The following CYBB variants were observed in gnomAD, a reference collection of about 807,000 sequenced individuals.
The protein encoded by CYBB is cytochrome b-245 beta chain, also known as NADPH oxidase 2.
A neutral mutation model predicts 46.5 loss-of-function variants in CYBB; 5 were observed. The ratio of observed to expected loss-of-function variants is 0.11; its 90% confidence interval spans 0.06 to 0.23. CYBB has a LOEUF of 0.23. CYBB is among the 10% of genes least tolerant of loss of function. The pLI is 1.00. For missense variants in CYBB, 307 were observed against 428.3 expected, an observed-to-expected ratio of 0.72 and a Z score of 2.50; for synonymous variants, 183 against 156.7, an observed-to-expected ratio of 1.17 and a Z score of -1.26.
rs782376162 is a variant in CYBB, at chrX:37,809,650, C to T, written c.1545C>T (p.Asn515=). ...AAAAGACTTTGTATGGACGGCCCAA[C>T]TGGGATAATGAATTCAAGACAATTG... ...LKQKTLYGRP[N]WDNEFKTIAS... The change falls in exon 12 of 13, where the codon AAC becomes AAT. Residue 515 remains asparagine (N), a synonymous_variant. Transcript: ENST00000378588. The T allele has an allele frequency of 2.5e-6, 3 of 1,208,524 alleles. No homozygotes were observed. Among genetic ancestry groups the T allele is most frequent in the Admixed American group, 2.2e-5 (1 of 45,756 alleles).
intron 12 of CYBB, 56 bp from the exon 13 acceptor site, chrX:37,810,734 CT>C: frequency 8.6e-7 from 1 of 1,167,641 alleles, no homozygotes. Flanking sequence ...CACCTACCTG[CT>C]TTGTAGACAT....
In CYBB at chrX:37,782,203, C is replaced by T. The variant is rs1193124409; in HGVS notation, c.141+20C>T. On this transcript the variant is annotated intron_variant, in intron 2 of 12. Coordinates refer to ENST00000378588, the MANE Select transcript of CYBB (RefSeq NM_000397.4). ...CTTGGGGTAAGTATAAATTCCATCC[C>T]ATGCAATATTGGCTGGTTCACATTT... The T allele has an allele frequency of 9.1e-6, 9 of 985,054 alleles. No individual in the cohort carries two copies. The Admixed American group carries it at 1.5e-4, about 17-fold the overall frequency. The allele number at this position is 985,054 out of a possible 1,213,427, so 81.2% of individuals were successfully genotyped here.
At position 37,809,563 on chromosome X, in the gene CYBB, G is replaced by A. The variant is rs781860569; in HGVS notation, c.1462-4G>A. The A allele has an allele frequency of 2.5e-6, 3 of 1,194,759 alleles. No individual in the cohort carries two copies. Among genetic ancestry groups the A allele is most frequent in the Non-Finnish European group, 3.4e-6 (3 of 886,616 alleles). On this transcript the variant is annotated splice_polypyrimidine_tract_variant and splice_region_variant and intron_variant, in intron 11 of 12. Transcript: ENST00000378588. ...TTTTTCTGAATTCATGTCCTTTCCTGTAGGCCAATCACTTTGCTGTGCACC... is the reference window on the plus strand; with the variant it reads ...TTTTTCTGAATTCATGTCCTTTCCTATAGGCCAATCACTTTGCTGTGCACC...
chrX:37,808,029 A>G (rs982514585), intron 11 of CYBB, among the ~76,000 whole-genome samples: 1 of 112,593 alleles, frequency 8.9e-6, no homozygotes, highest in African/African-American at 3.2e-5. Context: ...TTGGCCTGGA[A>G]GCAGCATAAG....
chrX:37,799,127 A>T (rs1929381959), intron 7 of CYBB, 43 bp downstream of exon 7: 1 of 1,145,577 alleles, frequency 8.7e-7, no homozygotes, highest in Admixed American at 2.2e-5. Context: ...CATTACTGAC[A>T]ATCTTTAACC....
intron 8 of CYBB, among the ~76,000 whole-genome samples, chrX:37,801,712 G>A (rs1375395417): frequency 1.8e-5 from 2 of 108,498 alleles, no homozygotes; most frequent in Non-Finnish European, 3.8e-5. Context: ...AAGAAAAAGA[G>A]GTGAGTTCAA....
rs1929680876 is a variant in CYBB, at chrX:37,811,777, C to G, written c.*860C>G. The G allele has an allele frequency of 8.9e-6, 1 of 111,894 alleles. No individual in the cohort carries two copies. The highest frequency in any genetic ancestry group is 2.7e-4 in the East Asian group (1 of 3,664). The allele number at this position is 111,894 out of a possible 1,213,427, so 9.2% of individuals were successfully genotyped here. On this transcript the variant is annotated 3_prime_UTR_variant, in exon 13 of 13. Transcript: ENST00000378588. Reference sequence around the variant, plus strand: ...ATCTGATTCTCCCTAGGGTCAAGAACAGGCTAAGGATACTAACCAATAGGA... The same window carrying G: ...ATCTGATTCTCCCTAGGGTCAAGAAGAGGCTAAGGATACTAACCAATAGGA...
In CYBB at chrX:37,796,084, G is replaced by T. The variant is rs781972148; in HGVS notation, c.617G>T (p.Trp206Leu). ...CGGAGGTCTTACTTTGAAGTCTTTT[G>T]GTACACACATCATCTCTTTGTGATC... is the stretch of plus-strand genomic sequence containing the variant. ...TIRRSYFEVFWYTHHLFVIFF... is the reference protein window; with the variant it reads ...TIRRSYFEVFLYTHHLFVIFF... The change falls in exon 6 of 13, where the codon TGG (tryptophan) becomes TTG (leucine). Residue 206 changes from tryptophan (W) to leucine (L), a missense_variant. By Grantham distance (61) the Trp-to-Leu change is moderately conservative (BLOSUM62 -2). Transcript: ENST00000378588. 1 of 1,209,995 alleles carries T rather than the reference G, an allele frequency of 8.3e-7. No individual in the cohort carries two copies. Among genetic ancestry groups the T allele is most frequent in the Non-Finnish European group, 1.1e-6 (1 of 894,146 alleles).
intron 3 of CYBB, among the ~76,000 whole-genome samples, chrX:37,791,610 T>G (rs1281849224): frequency 1.8e-5 from 2 of 112,299 alleles, no homozygotes; most frequent in Admixed American, 9.4e-5. Flanking sequence ...TGATGTTAAT[T>G]TCTACATCCT....
At chrX:37,786,986 T>G (rs1929084284) in intron 3 of CYBB, among the ~76,000 whole-genome samples, 1 of 111,234 alleles carries the variant, frequency 9.0e-6, no homozygotes. Flanking sequence ...ATTAATTGTT[T>G]AAGTCTGTCA....
At chrX:37,784,196 A>G (rs1307852249) in intron 3 of CYBB, among the ~76,000 whole-genome samples, 1 of 112,156 alleles carries the variant, frequency 8.9e-6, no homozygotes, top group Non-Finnish European at 1.9e-5. Flanking sequence ...GAATCTCTGT[A>G]ACCCATAAAA....
rs782348343 is a variant in CYBB at position 37,805,207 on chromosome X, A to G, written c.1314+39A>G. On this transcript the variant is annotated intron_variant, in intron 10 of 12. Coordinates refer to ENST00000378588, the MANE Select transcript of CYBB (RefSeq NM_000397.4). ...TTTATCGGAGGGCCTTAGAGCAGTA[A>G]CCATACTCTGCCATGTGAGGCCTGA... 1.1e-5 allele frequency: 13 copies of G among 1,182,082 alleles called. No individual in the cohort carries two copies. In the East Asian group the frequency reaches 3.9e-4, roughly 35 times the overall value.
At position 37,797,824 on chromosome X, in the gene CYBB, C is replaced by G. The variant is rs992382082; in HGVS notation, c.675-1131C>G. On this transcript the variant is annotated intron_variant, in intron 6 of 12. Transcript: ENST00000378588. ...GTAAGGGGTAGAAATGAGATTTGAA[C>G]CCAAGTCTGTCTGACACAAAACACA... 4.5e-5 allele frequency among the ~76,000 whole-genome samples: 5 copies of G among 111,776 alleles called. No homozygotes were observed. The Admixed American group carries it at 4.7e-4, about 11-fold the overall frequency.
intron 4 of CYBB, 41 bp from the exon 5 acceptor site, chrX:37,793,624 T>C: frequency 1.7e-6 from 2 of 1,196,696 alleles, no homozygotes; most frequent in East Asian, 3.0e-5. Context: ...AATTTGTTCA[T>C]ACCCTTCATT....
chrX:37,794,232 T>A (rs1929256104), intron 5 of CYBB, among the ~76,000 whole-genome samples: 2 of 112,082 alleles, frequency 1.8e-5, no homozygotes, highest in African/African-American at 6.5e-5. Context: ...AATTTAGGAT[T>A]CTGTTAGATG....
rs113120050 is a variant in CYBB at position 37,785,505 on chromosome X, A to C, written c.252+1905A>C. Among the ~76,000 whole-genome samples the C allele has an allele frequency of 6.6e-3, 745 of 112,396 alleles. 4 individuals are homozygous for C. The highest frequency in any genetic ancestry group is 0.023 in the African/African-American group (721 of 30,974). ...CACCTATTGTAAAGTATAACGTTTA[A>C]TATATCGTAAGTGCCCAGTGAACAT... On this transcript the variant is annotated intron_variant, in intron 3 of 12. Coordinates refer to ENST00000378588, the MANE Select transcript of CYBB (RefSeq NM_000397.4).
intron 11 of CYBB, among the ~76,000 whole-genome samples, chrX:37,808,696 G>A (rs1929611803): frequency 8.9e-6 from 1 of 112,262 alleles, no homozygotes; most frequent in African/African-American, 3.2e-5. Context: ...AAACAAAAAT[G>A]CTTTGATAAA....
At chrX:37,794,364 G>A (rs1158880659) in intron 5 of CYBB, among the ~76,000 whole-genome samples, 2 of 111,364 alleles carry the variant, frequency 1.8e-5, no homozygotes, top group Non-Finnish European at 3.8e-5. Context: ...GAACAGAATA[G>A]GACTAAGTCT....
intron 3 of CYBB, among the ~76,000 whole-genome samples, chrX:37,787,710 G>T (rs1929101530): frequency 8.9e-6 from 1 of 111,841 alleles, no homozygotes; most frequent in African/African-American, 3.3e-5. Context: ...TGATGATGGG[G>T]AACAAAAAAT....
Sources: gnomAD v4.1 joint callset for allele counts (sites outside exome capture counted in the v4.1 genomes callset) on GRCh38, gnomAD v4.1.1 for gene constraint, MANE v1.5 for transcripts, NCBI Gene and HGNC (gene_info 2026-07-23, HGNC 2026-07-21) for gene names.